PRKCE: variants seen among roughly 807,000 people sequenced by gnomAD.
PRKCE encodes the protein protein kinase C epsilon type.
A neutral mutation model predicts 85.4 loss-of-function variants in PRKCE; 16 were observed. The observed-to-expected ratio is 0.19, with a 90% CI of 0.13 to 0.28. The LOEUF (loss-of-function observed/expected upper bound fraction) is 0.28. Ranked by LOEUF, PRKCE falls within the 10% of genes least tolerant of loss-of-function variation. PRKCE has a pLI of 1.00. For synonymous variants in PRKCE, 388 were observed against 371.5 expected (o/e 1.04, Z -0.51); for missense variants, 573 against 975.2 (o/e 0.59, Z 5.49).
chr2:45,907,498 C>T lies in PRKCE; in HGVS notation c.412+64435C>T, dbSNP rs1697067906. 6.6e-6 allele frequency among the ~76,000 whole-genome samples: 1 copy of T among 152,214 alleles called. No homozygotes were observed. Among genetic ancestry groups the T allele is most frequent in the Non-Finnish European group, 1.5e-5 (1 of 68,038 alleles). On this transcript the variant is annotated intron_variant, in intron 2 of 14. Transcript: ENST00000306156. This position sits in a 1 kb window ranked among gnomAD's most constrained non-coding sequence, Gnocchi z 4.5. ...CACAGAGGTAACAATGGACGAAGCACACTTCTGAGGGCGTCATCGCAGGCC... is the reference window on the plus strand; with the variant it reads ...CACAGAGGTAACAATGGACGAAGCATACTTCTGAGGGCGTCATCGCAGGCC...
intron 1 of PRKCE, among the ~76,000 whole-genome samples, chr2:45,759,763 T>C (rs1684305062): frequency 6.6e-6 from 1 of 152,214 alleles, no homozygotes. Flanking sequence ...CATGGCATTA[T>C]GTGCTGTTTA....
intron 2 of PRKCE, among the ~76,000 whole-genome samples, chr2:45,863,567 C>T (rs972656553): frequency 4.6e-5 from 7 of 151,994 alleles, no homozygotes; most frequent in African/African-American, 1.7e-4. Context: ...AAAGAGGAGT[C>T]ACAGGCAGTC....
intron 2 of PRKCE, among the ~76,000 whole-genome samples, chr2:45,922,841 A>G (rs1281708941): frequency 6.6e-6 from 1 of 152,242 alleles, no homozygotes; most frequent in African/African-American, 2.4e-5. Flanking sequence ...CCTAAGAACC[A>G]TCACACCTTT....
At chr2:45,881,495 C>G in intron 2 of PRKCE, among the ~76,000 whole-genome samples, 1 of 152,106 alleles carries the variant, frequency 6.6e-6, no homozygotes, top group East Asian at 1.9e-4. Flanking sequence ...ATAGTGATTG[C>G]AGTTAAAATA....
intron 10 of PRKCE, among the ~76,000 whole-genome samples, chr2:46,049,293 G>A (rs1401242108): frequency 6.6e-6 from 1 of 152,164 alleles, no homozygotes; most frequent in Non-Finnish European, 1.5e-5. Flanking sequence ...CTTACAGCCT[G>A]ATAGAAGCCC....
At chr2:45,784,089 C>T (rs1189444733) in intron 1 of PRKCE, among the ~76,000 whole-genome samples, 5 of 152,256 alleles carry the variant, frequency 3.3e-5, no homozygotes, top group Admixed American at 2.0e-4. Flanking sequence ...GCTCAAGGAC[C>T]TCAGGGTCTA....
chr2:45,968,074 G>A (rs1317213874), intron 2 of PRKCE, among the ~76,000 whole-genome samples: 1 of 152,196 alleles, frequency 6.6e-6, no homozygotes, highest in Non-Finnish European at 1.5e-5. Context: ...ATGTTGGCAA[G>A]TCTGGCCCAG....
chr2:45,869,656 C>T (rs1693913907), intron 2 of PRKCE, among the ~76,000 whole-genome samples: 1 of 151,782 alleles, frequency 6.6e-6, no homozygotes, highest in Non-Finnish European at 1.5e-5. Context: ...CTGTCTGGCC[C>T]CAAGGTCTGT....
intron 11 of PRKCE, among the ~76,000 whole-genome samples, chr2:46,113,742 G>A (rs138403137): frequency 1.3e-5 from 2 of 152,248 alleles, no homozygotes; most frequent in Admixed American, 1.3e-4. Context: ...GGTAGGGGTA[G>A]CTTTTAGGCA....
intron 2 of PRKCE, among the ~76,000 whole-genome samples, chr2:45,955,456 C>T (rs894450874): frequency 1.1e-4 from 16 of 152,188 alleles, no homozygotes; most frequent in African/African-American, 3.9e-4. Context: ...CCTGATGCCC[C>T]AGCTTTCTCT....
chr2:45,666,170 C>A (rs1204733619), intron 1 of PRKCE, among the ~76,000 whole-genome samples: 2 of 152,078 alleles, frequency 1.3e-5, no homozygotes, highest in Non-Finnish European at 2.9e-5. Flanking sequence ...ATATTTCCTT[C>A]GTTTTAGAAA....
intron 11 of PRKCE, among the ~76,000 whole-genome samples, chr2:46,120,345 C>G (rs1227246224): frequency 6.6e-6 from 1 of 152,146 alleles, no homozygotes; most frequent in Non-Finnish European, 1.5e-5. Flanking sequence ...CAGGAGAGTG[C>G]TGCTGGCATC....
intron 10 of PRKCE, among the ~76,000 whole-genome samples, chr2:46,046,040 A>G (rs540092290): frequency 2.0e-5 from 3 of 152,238 alleles, no homozygotes; most frequent in African/African-American, 7.2e-5. Context: ...GGCCTGAGTC[A>G]CAGACATCCT....
intron 11 of PRKCE, among the ~76,000 whole-genome samples, chr2:46,136,501 A>G (rs963188680): frequency 6.6e-6 from 1 of 152,178 alleles, no homozygotes; most frequent in African/African-American, 2.4e-5. Context: ...TCCACCAAAC[A>G]TCTACAGTTC....
chr2:45,732,985 A>G (rs1007210239), intron 1 of PRKCE, among the ~76,000 whole-genome samples: 1 of 152,230 alleles, frequency 6.6e-6, no homozygotes, highest in African/African-American at 2.4e-5. Context: ...TGCGGGCCAC[A>G]GAGTCTCTGC....
At chr2:46,007,802 C>G in intron 9 of PRKCE, 141 bp downstream of exon 9, 1 of 914,912 alleles carries the variant, frequency 1.1e-6, no homozygotes, top group Non-Finnish European at 1.6e-6. Context: ...TGCAAATGAC[C>G]TGAGGCCAAG....
intron 11 of PRKCE, among the ~76,000 whole-genome samples, chr2:46,097,056 A>T (rs1304777478): frequency 1.3e-5 from 2 of 152,176 alleles, no homozygotes; most frequent in Non-Finnish European, 2.9e-5. Flanking sequence ...GTTGGTGGAT[A>T]TGTGAGTCTG....
chr2:45,876,563 A>G (rs1472251703), intron 2 of PRKCE, among the ~76,000 whole-genome samples: 3 of 152,190 alleles, frequency 2.0e-5, no homozygotes, highest in African/African-American at 4.8e-5. Flanking sequence ...CTAACCCTGT[A>G]TAGACTGGTC....
At chr2:46,144,994 T>G in intron 11 of PRKCE, 99 bp from the exon 12 acceptor site, 3 of 1,531,600 alleles carry the variant, frequency 2.0e-6, no homozygotes, top group Non-Finnish European at 2.6e-6. Flanking sequence ...AGGACTTTTT[T>G]GCTGGAGATT....
Sources: gnomAD v4.1 joint callset for allele counts (sites outside exome capture counted in the v4.1 genomes callset) on GRCh38, gnomAD v4.1.1 for gene constraint, Gnocchi (gnomAD v3.1) non-coding constraint, MANE v1.5 for transcripts, NCBI Gene and HGNC (gene_info 2026-07-23, HGNC 2026-07-21) for gene names.